DOCK9: variants seen among roughly 807,000 people sequenced by gnomAD.
DOCK9 encodes the protein dedicator of cytokinesis 9.
A neutral mutation model predicts 263.3 loss-of-function variants in DOCK9; 89 were observed. The observed-to-expected ratio is 0.34, with a 90% CI of 0.28 to 0.40. The LOEUF is 0.40. Among genes scored for constraint, DOCK9 ranks in the 10% least tolerant of loss-of-function variants. The probability of loss-of-function intolerance (pLI) is 1.00; values close to 1 mark genes in which losing one functional copy is unlikely to be tolerated. For missense variants in DOCK9, 2,140 were observed against 2,603.4 expected (o/e 0.82, Z 3.87); for synonymous variants, 976 against 973.1 (o/e 1.00, Z -0.06).
At chr13:99,087,679 G>A (rs1294554989), upstream of DOCK9, 1 of 152,340 alleles carries the variant, frequency 6.6e-6, no homozygotes, top group African/African-American at 2.4e-5. Context: ...CCGCGGAGAG[G>A]GCGCGCCAGG....
chr13:98,997,385 C>G (rs1216034027), intron 1 of DOCK9, among the ~76,000 whole-genome samples: 1 of 152,184 alleles, frequency 6.6e-6, no homozygotes, highest in Non-Finnish European at 1.5e-5. Context: ...CTAACTAAAG[C>G]CTTTTATTTG....
chr13:98,956,063 T>C (rs1477587707), intron 1 of DOCK9, among the ~76,000 whole-genome samples: 1 of 152,166 alleles, frequency 6.6e-6, no homozygotes, highest in Non-Finnish European at 1.5e-5. Flanking sequence ...CTATACTTAA[T>C]ATGTAATACC....
At chr13:99,087,152 C>T (rs1473921418), upstream of DOCK9, among the ~76,000 whole-genome samples, 5 of 152,096 alleles carry the variant, frequency 3.3e-5, no homozygotes, top group East Asian at 9.8e-4. Context: ...CGGACCTGGA[C>T]GGAGCGTCCC....
intron 52 of DOCK9, among the ~76,000 whole-genome samples, chr13:98,795,244 T>C (rs542290274): frequency 1.2e-4 from 18 of 152,340 alleles, no homozygotes; most frequent in African/African-American, 4.3e-4. Flanking sequence ...CCTTTAAAAA[T>C]GAATTTGAAG....
chr13:98,807,782 T>C lies in DOCK9; in HGVS notation c.5393A>G (p.Lys1798Arg), dbSNP rs1213571155. The change falls in exon 48 of 53, where the codon AAG becomes AGG. Residue 1798 changes from lysine to arginine, a missense_variant. Around this residue, in one of 2 missense-constraint regions of DOCK9, gnomAD observed 619 missense variants for 861.8 expected, o/e 0.72. Coordinates refer to ENST00000682017, the MANE Select transcript of DOCK9 (RefSeq NM_001366683.2). ...GQGFFEDEDGKEYIYKEPKLT... is the reference protein window; with the variant it reads ...GQGFFEDEDGREYIYKEPKLT... ...TTTGGGTTCCTTGTAAATATACTCC[T>C]TTCCATCTTCATCTTCAAAGAATCC... is the stretch of plus-strand genomic sequence containing the variant. The C allele has an allele frequency of 6.2e-7, 1 of 1,611,462 alleles. No individual in the cohort carries two copies. Among genetic ancestry groups the C allele is most frequent in the African/African-American group, 1.3e-5 (1 of 74,882 alleles).
intron 1 of DOCK9, among the ~76,000 whole-genome samples, chr13:98,968,122 A>T (rs568066636): frequency 6.6e-6 from 1 of 152,354 alleles, no homozygotes; most frequent in South Asian, 2.1e-4. Flanking sequence ...GAGCACTTAA[A>T]ATGTGACGAT....
At chr13:98,957,558 G>C (rs1225544852) in intron 1 of DOCK9, among the ~76,000 whole-genome samples, 1 of 81,424 alleles carries the variant, frequency 1.2e-5, no homozygotes, top group African/African-American at 5.0e-5. Context: ...ATTCAAAAAA[G>C]GAAAAAAAAA....
chr13:98,853,572 G>A (rs373063958), intron 34 of DOCK9, 50 bp from the exon 35 acceptor site: 180 of 1,319,310 alleles, frequency 1.4e-4, no homozygotes, highest in Non-Finnish European at 1.9e-4. Context: ...GGAGGAAAAC[G>A]TGTTTCCCTT....
At chr13:98,949,339 C>A (rs1452625508) in intron 2 of DOCK9, among the ~76,000 whole-genome samples, 1 of 152,226 alleles carries the variant, frequency 6.6e-6, no homozygotes, top group Non-Finnish European at 1.5e-5. Flanking sequence ...AACCTCCAGA[C>A]TCAATTATGC....
At chr13:98,973,808 A>C (rs1365272034) in intron 1 of DOCK9, among the ~76,000 whole-genome samples, 5 of 151,966 alleles carry the variant, frequency 3.3e-5, no homozygotes. Context: ...ATGTTGCCCA[A>C]ACTGGTTTTG....
At chr13:98,952,239 T>C (rs960763249) in intron 2 of DOCK9, among the ~76,000 whole-genome samples, 81 of 151,234 alleles carry the variant, frequency 5.4e-4, no homozygotes, top group African/African-American at 1.9e-3. Context: ...ATTATTTTGA[T>C]TTTTTGTTTG....
At chr13:98,897,396 A>G (rs1175776602) in intron 15 of DOCK9, 92 bp downstream of exon 15, 1 of 1,511,946 alleles carries the variant, frequency 6.6e-7, no homozygotes, top group Non-Finnish European at 8.9e-7. Flanking sequence ...TGATGTCTAA[A>G]TCGAGCAACC....
intron 52 of DOCK9, chr13:98,796,274 T>A: frequency 7.0e-7 from 1 of 1,428,664 alleles, no homozygotes; most frequent in Admixed American, 1.9e-5. Context: ...ACACTGACGT[T>A]CGTTTCCTGC....
At position 98,983,989 on chromosome 13, in the gene DOCK9, C is replaced by T. The variant is rs532580515; in HGVS notation, c.130-28438G>A. Among the ~76,000 whole-genome samples the T allele has an allele frequency of 5.9e-5, 9 of 152,300 alleles. No homozygotes were observed. The South Asian group carries it at 1.9e-3, about 32-fold the overall frequency. ...AATGTAATCCACATTATCACCTAGTCTAGTGTCTCTTAGCCCAGAATCCAA... is the reference window on the plus strand; with the variant it reads ...AATGTAATCCACATTATCACCTAGTTTAGTGTCTCTTAGCCCAGAATCCAA... On this transcript the variant is annotated intron_variant, in intron 1 of 32. Transcript: ENST00000427887.
At chr13:98,807,959 AAC>A (rs765170925) in intron 47 of DOCK9, among the ~76,000 whole-genome samples, 152 bp from the exon 48 acceptor site, 112 of 152,342 alleles carry the variant, frequency 7.4e-4, no homozygotes, top group Admixed American at 1.6e-3. Flanking sequence ...AAATGCTAAT[AAC>A]ATGAAGTCTA....
At chr13:98,893,412 T>C (rs2046926029) in intron 15 of DOCK9, among the ~76,000 whole-genome samples, 1 of 152,220 alleles carries the variant, frequency 6.6e-6, no homozygotes, top group African/African-American at 2.4e-5. Flanking sequence ...TGAGATACCA[T>C]CTTATCCATG....
chr13:99,076,881 T>C (rs1596050842), intron 1 of DOCK9, among the ~76,000 whole-genome samples: 4 of 152,160 alleles, frequency 2.6e-5, no homozygotes, highest in Admixed American at 2.6e-4. Flanking sequence ...TAAATTGTGA[T>C]AAGTGGTCAA....
intron 1 of DOCK9, among the ~76,000 whole-genome samples, chr13:99,079,661 G>C (rs1012489074): frequency 7.9e-5 from 12 of 152,232 alleles, no homozygotes; most frequent in Non-Finnish European, 1.3e-4. Context: ...GTTGCTCGAA[G>C]TCCTCAGCCA....
At chr13:99,076,582 A>G (rs565342464) in intron 1 of DOCK9, among the ~76,000 whole-genome samples, 305 of 152,338 alleles carry the variant, frequency 2.0e-3, no homozygotes, top group Non-Finnish European at 4.0e-3. Context: ...TGAGAAACTC[A>G]TGATATGATA....
Sources: allele counts gnomAD v4.1 joint callset (sites outside exome capture counted in the v4.1 genomes callset), GRCh38; gene constraint gnomAD v4.1.1; regional missense constraint gnomAD v4.1.1; transcripts MANE v1.5; gene names NCBI Gene and HGNC (gene_info 2026-07-23, HGNC 2026-07-21).